Variants in TDRD3 observed in about 807,000 individuals in gnomAD.
The protein encoded by TDRD3 is tudor domain-containing protein 3.
In TDRD3, 45 loss-of-function variants were observed where a neutral mutation model predicts 86.7. The observed-to-expected ratio is 0.52, with a 90% confidence interval of 0.41 to 0.67. TDRD3 has a LOEUF of 0.67. TDRD3 is among the 30% of genes least tolerant of loss of function. The pLI, the probability that TDRD3 is intolerant of heterozygous loss-of-function variation, is 0.00. For synonymous variants in TDRD3, 298 were observed against 301.7 expected, an observed-to-expected ratio of 0.99 and a Z score of 0.13; for missense variants, 814 against 889.0, an observed-to-expected ratio of 0.92 and a Z score of 1.07.
intron 12 of TDRD3, among the ~76,000 whole-genome samples, chr13:60,542,658 A>G (rs1401952507): frequency 1.3e-5 from 2 of 152,210 alleles, no homozygotes; most frequent in Non-Finnish European, 2.9e-5. Flanking sequence ...ATTTGATTGC[A>G]TACCATAATG....
intron 4 of TDRD3, among the ~76,000 whole-genome samples, chr13:60,466,930 A>G (rs1247109899): frequency 6.6e-6 from 1 of 152,202 alleles, no homozygotes; most frequent in African/African-American, 2.4e-5. Flanking sequence ...GTCATAATAT[A>G]AGACTGAATT....
At chr13:60,467,472 T>C in intron 5 of TDRD3, 93 bp downstream of exon 5, 1 of 1,400,496 alleles carries the variant, frequency 7.1e-7, no homozygotes, top group East Asian at 2.3e-5. Context: ...ATTAGTTCTT[T>C]GTGTCGGAGT....
At chr13:60,465,381 G>C (rs1256016607) in intron 4 of TDRD3, among the ~76,000 whole-genome samples, 1 of 152,104 alleles carries the variant, frequency 6.6e-6, no homozygotes, top group East Asian at 1.9e-4. Flanking sequence ...ATTGTATTCA[G>C]CTGTTGCTGA....
chr13:60,525,916 A>G (rs565967523), intron 10 of TDRD3, among the ~76,000 whole-genome samples: 6 of 152,244 alleles, frequency 3.9e-5, no homozygotes, highest in Non-Finnish European at 8.8e-5. Flanking sequence ...GTTCTCCAGT[A>G]TAGTTCCATA....
At chr13:60,456,534 A>G (rs1955675114) in intron 3 of TDRD3, among the ~76,000 whole-genome samples, 1 of 152,242 alleles carries the variant, frequency 6.6e-6, no homozygotes, top group African/African-American at 2.4e-5. Context: ...TACTAATACA[A>G]AAGAGAAAAT....
chr13:60,470,573 A>G lies in TDRD3; in HGVS notation c.495+3194A>G, dbSNP rs138880873. On this transcript the variant is annotated intron_variant, in intron 5 of 13. Transcript: ENST00000377881. ...AGCCATTCTAACATGGGTAAAATAG[A>G]ATATCATTATAGTTGGGTTTTTTTT... 2.0e-5 allele frequency among the ~76,000 whole-genome samples: 3 copies of G among 148,872 alleles called. No homozygotes were observed. In the East Asian group the frequency reaches 6.0e-4, roughly 30 times the overall value.
chr13:60,562,436 ATTTTAAG>A (rs1958356050), intron 12 of TDRD3, among the ~76,000 whole-genome samples: 1 of 152,148 alleles, frequency 6.6e-6, no homozygotes, highest in Non-Finnish European at 1.5e-5. Flanking sequence ...TTTTAAAGAT[ATTTTAAG>A]TTTTATTAAA....
intron 11 of TDRD3, among the ~76,000 whole-genome samples, chr13:60,534,199 G>T (rs1013237303): frequency 1.3e-5 from 2 of 152,160 alleles, no homozygotes; most frequent in Non-Finnish European, 2.9e-5. Flanking sequence ...TGTAGACCCA[G>T]CTACTTGGGA....
At chr13:60,521,505 T>C (rs1258853017) in intron 10 of TDRD3, among the ~76,000 whole-genome samples, 2 of 152,156 alleles carry the variant, frequency 1.3e-5, no homozygotes, top group Non-Finnish European at 2.9e-5. Flanking sequence ...GAGATACCTA[T>C]AGTCACTAAA....
intron 8 of TDRD3, among the ~76,000 whole-genome samples, chr13:60,504,669 C>T (rs1956897916): frequency 6.6e-6 from 1 of 152,188 alleles, no homozygotes; most frequent in Non-Finnish European, 1.5e-5. Context: ...ATAGGAACAG[C>T]TCCGGCCTGC....
intron 4 of TDRD3, among the ~76,000 whole-genome samples, chr13:60,464,369 A>G (rs1489136968): frequency 6.6e-6 from 1 of 152,138 alleles, no homozygotes; most frequent in African/African-American, 2.4e-5. Flanking sequence ...CTAAAAATAG[A>G]AATACCATAT....
chr13:60,544,443 T>TA (rs34582725), intron 12 of TDRD3, among the ~76,000 whole-genome samples: 106 of 130,440 alleles, frequency 8.1e-4, no homozygotes, highest in East Asian at 3.7e-3. Flanking sequence ...CATATCTCTT[T>TA]AAAAAAAAAA....
intron 1 of TDRD3, among the ~76,000 whole-genome samples, chr13:60,420,378 C>T (rs1954625696): frequency 7.4e-6 from 1 of 134,766 alleles, no homozygotes; most frequent in African/African-American, 2.7e-5. Context: ...TCAATTTTAT[C>T]AGTTTTTTTT....
chr13:60,442,044 C>T (rs551228575), intron 2 of TDRD3, among the ~76,000 whole-genome samples: 243 of 152,268 alleles, frequency 1.6e-3, no homozygotes, highest in African/African-American at 5.8e-3. Context: ...GCTGGCCTTT[C>T]TAAAGATAGC....
chr13:60,561,162 G>A (rs1958322986), intron 12 of TDRD3, among the ~76,000 whole-genome samples: 1 of 152,090 alleles, frequency 6.6e-6, no homozygotes, highest in Admixed American at 6.5e-5. Flanking sequence ...TTTCTCATAT[G>A]TTAATGAAAC....
chr13:60,511,508 T>C (rs2137667136), intron 10 of TDRD3, among the ~76,000 whole-genome samples: 1 of 152,352 alleles, frequency 6.6e-6, no homozygotes, highest in African/African-American at 2.4e-5. Context: ...ATAAGCATGA[T>C]GTATTAGTTT....
chr13:60,538,442 G>T (rs1957743721), intron 12 of TDRD3, among the ~76,000 whole-genome samples: 1 of 148,616 alleles, frequency 6.7e-6, no homozygotes, highest in African/African-American at 2.5e-5. Context: ...CTTTATTGCA[G>T]TGAACTTTCT....
intron 1 of TDRD3, among the ~76,000 whole-genome samples, chr13:60,410,262 A>G (rs1291209576): frequency 1.3e-5 from 2 of 152,170 alleles, no homozygotes; most frequent in Non-Finnish European, 2.9e-5. Context: ...AGGAGTTAAG[A>G]TGATGAAATT....
rs1454422567 is a variant in TDRD3 at position 60,486,035 on chromosome 13, GCTAA to G, written c.717+92_717+95del. The G allele has an allele frequency of 3.0e-6, 4 of 1,338,804 alleles. No individual in the cohort carries two copies. In the African/African-American group the frequency reaches 6.0e-5, roughly 20 times the overall value. 82.9% of individuals were successfully genotyped at this position (1,338,804 alleles called of 1,614,324 possible). A position where few individuals can be genotyped will look rare whatever the true frequency, so the allele number is the denominator to read the frequency against. Reference sequence around the variant, plus strand: ...TGATCGTTATTGTCTTTTCATATAAGCTAACTAATTCAACAAACGCTTAACCTTA... The same window carrying G: ...TGATCGTTATTGTCTTTTCATATAAGCTAATTCAACAAACGCTTAACCTTA... On this transcript the variant is annotated intron_variant, in intron 7 of 13. Coordinates refer to ENST00000377881, the MANE Select transcript of TDRD3 (RefSeq NM_001146070.2).
Sources: gnomAD v4.1 joint callset for allele counts (sites outside exome capture counted in the v4.1 genomes callset) on GRCh38, gnomAD v4.1.1 for gene constraint, MANE v1.5 for transcripts, NCBI Gene and HGNC (gene_info 2026-07-23, HGNC 2026-07-21) for gene names.